SRPK2: variants seen among roughly 807,000 people sequenced by gnomAD.
SRPK2 encodes the protein SFRS protein kinase 2.
Under a neutral mutation model 90.8 loss-of-function variants are expected in SRPK2, and 21 were observed. That is an observed-to-expected ratio of 0.23 (90% CI 0.16 to 0.33). The LOEUF is 0.33. Among genes scored for constraint, SRPK2 ranks in the 10% least tolerant of loss-of-function variants. The pLI is 1.00. For synonymous variants in SRPK2, 288 were observed against 311.1 expected (o/e 0.93, Z 0.78); for missense variants, 620 against 869.0 (o/e 0.71, Z 3.60).
intron 2 of SRPK2, among the ~76,000 whole-genome samples, chr7:105,229,319 C>T (rs977011461): frequency 5.9e-5 from 9 of 152,092 alleles, no homozygotes; most frequent in Non-Finnish European, 1.0e-4. Context: ...AAAAAATTAG[C>T]CGGGCATAGC....
chr7:105,160,819 C>T (rs1441328838), intron 6 of SRPK2, among the ~76,000 whole-genome samples: 2 of 152,196 alleles, frequency 1.3e-5, no homozygotes, highest in Non-Finnish European at 2.9e-5. Context: ...TTCCCAGTAT[C>T]TCAGGAGATT....
intron 2 of SRPK2, among the ~76,000 whole-genome samples, chr7:105,229,455 C>T (rs1799158485): frequency 1.4e-5 from 2 of 147,594 alleles, no homozygotes; most frequent in African/African-American, 2.5e-5. Flanking sequence ...CAGAGCAAGA[C>T]TCCGTCTCAA....
At chr7:105,183,064 G>A (rs1381688911) in intron 3 of SRPK2, among the ~76,000 whole-genome samples, 1 of 152,126 alleles carries the variant, frequency 6.6e-6, no homozygotes. Context: ...CATTTATGAA[G>A]TTAAAGTTCA....
chr7:105,316,022 ATT>A (rs11330337), intron 2 of SRPK2, among the ~76,000 whole-genome samples: 162 of 128,638 alleles, frequency 1.3e-3, no homozygotes, highest in East Asian at 2.8e-3. Flanking sequence ...TCTTTAGGTA[ATT>A]TTTTTTTTTT....
In SRPK2 at chr7:105,117,358, T is replaced by A. The variant is rs1341038076; in HGVS notation, c.*480A>T. 1 of 157,460 alleles carries A rather than the reference T, an allele frequency of 6.4e-6. No individual in the cohort carries two copies. Among genetic ancestry groups the A allele is most frequent in the African/African-American group, 2.4e-5 (1 of 41,466 alleles). The allele number at this position is 157,460 out of a possible 1,614,324, so 9.8% of individuals were successfully genotyped here. On this transcript the variant is annotated 3_prime_UTR_variant, in exon 16 of 16. Coordinates refer to ENST00000393651, the MANE Select transcript of SRPK2 (RefSeq NM_182692.3). ...TGGAAAGTAACATTTACAGGGTGCATTTACATACACTATAATACAGGAATG... is the reference window on the plus strand; with the variant it reads ...TGGAAAGTAACATTTACAGGGTGCAATTACATACACTATAATACAGGAATG...
chr7:105,358,594 G>A (rs1272000394), intron 2 of SRPK2, among the ~76,000 whole-genome samples: 1 of 151,818 alleles, frequency 6.6e-6, no homozygotes, highest in Non-Finnish European at 1.5e-5. Context: ...TCTGAGGTGG[G>A]AGGATCACCT....
chr7:105,316,662 G>A (rs191874566), intron 2 of SRPK2, among the ~76,000 whole-genome samples: 31 of 152,212 alleles, frequency 2.0e-4, no homozygotes, highest in Admixed American at 1.0e-3. Context: ...TAATGATAAG[G>A]TTAAAGATAA....
rs368486454 is a variant in SRPK2, at chr7:105,203,589, G to C, written c.229+39C>G. ...CAACAAATTACTACACAGCCCAATG[G>C]GGAAGGCAAGCCCCACACCACCATG... On this transcript the variant is annotated intron_variant, in intron 3 of 15. Coordinates refer to ENST00000393651, the MANE Select transcript of SRPK2 (RefSeq NM_182692.3). 120 of 1,455,518 alleles carry C rather than the reference G, an allele frequency of 8.2e-5. No individual in the cohort carries two copies. In the African/African-American group the frequency reaches 1.7e-3, roughly 20 times the overall value. The allele number at this position is 1,455,518 out of a possible 1,614,324, so 90.2% of individuals were successfully genotyped here. A position where few individuals can be genotyped will look rare whatever the true frequency, so the allele number is the denominator to read the frequency against.
At chr7:105,312,608 A>G (rs1162491928) in intron 2 of SRPK2, among the ~76,000 whole-genome samples, 1 of 152,202 alleles carries the variant, frequency 6.6e-6, no homozygotes. Context: ...CTGGCTGCAG[A>G]TAAAATCGTA....
chr7:105,130,763 G>A (rs73404060), intron 13 of SRPK2, among the ~76,000 whole-genome samples: 4 of 151,616 alleles, frequency 2.6e-5, no homozygotes, highest in African/African-American at 2.4e-5. Context: ...CATGACTTTT[G>A]GGGGGTGGGG....
chr7:105,371,566 A>C (rs1372555867), intron 2 of SRPK2, among the ~76,000 whole-genome samples: 15 of 141,728 alleles, frequency 1.1e-4, no homozygotes, highest in African/African-American at 3.4e-4. Flanking sequence ...AGCCTGGGCA[A>C]CAGTGAGACC....
chr7:105,145,447 T>C, intron 8 of SRPK2, 139 bp from the exon 9 acceptor site: 3 of 534,692 alleles, frequency 5.6e-6, no homozygotes, highest in Non-Finnish European at 9.6e-6. Flanking sequence ...CAGAGCTTCT[T>C]AATCACAAGG....
chr7:105,288,767 T>C (rs573301631), intron 2 of SRPK2, among the ~76,000 whole-genome samples: 1 of 152,158 alleles, frequency 6.6e-6, no homozygotes, highest in African/African-American at 2.4e-5. Flanking sequence ...AGTCTATAAG[T>C]AGAGCCATCC....
At chr7:105,295,638 G>A (rs1455585598) in intron 2 of SRPK2, among the ~76,000 whole-genome samples, 2 of 152,304 alleles carry the variant, frequency 1.3e-5, no homozygotes, top group African/African-American at 2.4e-5. Context: ...GGGAGTTGCT[G>A]TTTAATGGGT....
intron 2 of SRPK2, among the ~76,000 whole-genome samples, chr7:105,266,490 C>T (rs1362710440): frequency 6.6e-6 from 1 of 152,078 alleles, no homozygotes; most frequent in Non-Finnish European, 1.5e-5. Context: ...TGAATGATAA[C>T]TTTTGGTTTG....
chr7:105,275,545 T>C (rs955388019), intron 2 of SRPK2, among the ~76,000 whole-genome samples: 8 of 152,220 alleles, frequency 5.3e-5, no homozygotes, highest in African/African-American at 1.9e-4. Flanking sequence ...TGAACAGTTT[T>C]TAACTCTTCA....
Position 105,132,896 on chromosome 7 carries a change from A to G in SRPK2, c.1647T>C (p.His549=). ...TCTGGATGTCTTCCGTGAAGTGTTT[A>G]TGCTGGAAGGGAACAGGCTGCATTA... The part of the protein sequence containing the change: ...IADLGNACWV[H]KHFTEDIQTR... The change falls in exon 13 of 16, where the codon CAT becomes CAC. Residue 549 remains histidine, a splice_region_variant and synonymous_variant. Transcript: ENST00000393651. 1 of 1,613,072 alleles carries G rather than the reference A, an allele frequency of 6.2e-7. No homozygotes were observed. Among genetic ancestry groups the G allele is most frequent in the Non-Finnish European group, 8.5e-7 (1 of 1,179,416 alleles).
chr7:105,376,016 C>CAA (rs1481798406), intron 2 of SRPK2, among the ~76,000 whole-genome samples: 1 of 71,214 alleles, frequency 1.4e-5, no homozygotes, highest in Non-Finnish European at 2.5e-5. Context: ...TTTTTTGAGA[C>CAA]AGAGTCTCTG....
At chr7:105,260,715 G>A (rs1804111357) in intron 2 of SRPK2, among the ~76,000 whole-genome samples, 1 of 152,186 alleles carries the variant, frequency 6.6e-6, no homozygotes, top group East Asian at 1.9e-4. Context: ...AAAAAAGGAT[G>A]AGTTCATGTC....
Sources: allele counts gnomAD v4.1 joint callset (sites outside exome capture counted in the v4.1 genomes callset), GRCh38; gene constraint gnomAD v4.1.1; transcripts MANE v1.5; gene names NCBI Gene and HGNC (gene_info 2026-07-23, HGNC 2026-07-21).